The following HNRNPR variants were observed in gnomAD, a reference collection of about 807,000 sequenced individuals.
The protein encoded by HNRNPR is heterogeneous nuclear ribonucleoprotein R.
A neutral mutation model predicts 70.3 loss-of-function variants in HNRNPR; 4 were observed. That is an observed-to-expected ratio of 0.06 (90% CI 0.03 to 0.13). HNRNPR has a LOEUF of 0.13. Ranked by LOEUF, HNRNPR falls within the 10% of genes least tolerant of loss-of-function variation. The pLI is 1.00. For missense variants in HNRNPR, 423 were observed against 788.5 expected (o/e 0.54, Z 5.55); for synonymous variants, 241 against 267.6 (o/e 0.90, Z 0.97).
Position 23,321,572 on chromosome 1 carries a change from T to C in HNRNPR, c.767A>G (p.Asn256Ser). 6.2e-7 allele frequency: 1 copy of C among 1,613,770 alleles called. No individual in the cohort carries two copies. The highest frequency in any genetic ancestry group is 8.5e-7 in the Non-Finnish European group (1 of 1,179,666). ...TTCCAAAATGTTTTCTTTAGTCTTA[T>C]TCTTCGGAATGGATCCAACAAAAAG... is the stretch of plus-strand genomic sequence containing the variant. ...NRLFVGSIPKNKTKENILEEF... is the reference protein window; with the variant it reads ...NRLFVGSIPKSKTKENILEEF... The change falls in exon 7 of 11, where the codon AAT (asparagine) becomes AGT (serine). Residue 256 changes from asparagine to serine, a missense_variant. This residue lies in a region of HNRNPR where 118 missense variants were observed against 239.3 expected (regional missense o/e 0.49). Transcript: ENST00000302271.
Position 23,313,682 on chromosome 1 carries a change from T to C in HNRNPR, c.1038A>G (p.Arg346=). ...VMAKVKVLFV[R]NLATTVTEEI... ...CTTCTGTCACCGTAGTAGCCAAGTT[T>C]CTCACAAACAAAACTTTTACCTAGT... The change falls in exon 9 of 11, where the codon AGA becomes AGG. Residue 346 remains arginine (R), a synonymous_variant. Transcript: ENST00000302271. The C allele has an allele frequency of 6.3e-7, 1 of 1,598,704 alleles. No individual in the cohort carries two copies. The highest frequency in any genetic ancestry group is 8.5e-7 in the Non-Finnish European group (1 of 1,176,386).
Position 23,318,423 on chromosome 1 carries a change from T to G in HNRNPR, c.1017+60A>C, listed in dbSNP as rs994028191. 2.9e-6 allele frequency: 4 copies of G among 1,366,750 alleles called. No individual in the cohort carries two copies. The East Asian group carries it at 9.2e-5, about 31-fold the overall frequency. 84.7% of individuals were successfully genotyped at this position (1,366,750 alleles called of 1,614,324 possible). A position where few individuals can be genotyped will look rare whatever the true frequency, so the allele number is the denominator to read the frequency against. On this transcript the variant is annotated intron_variant, in intron 8 of 10. Transcript: ENST00000302271. The surrounding 1 kb of genome is among the most constrained non-coding windows in gnomAD (Gnocchi z 4.2). ...TCATAAAACTCAAAATATTTGAGCT[T>G]TATTCTGAGTACAAAATTTAAATGA...
intron 5 of HNRNPR, among the ~76,000 whole-genome samples, chr1:23,326,625 A>G (rs372970617): frequency 3.2e-4 from 49 of 152,188 alleles, no homozygotes; most frequent in African/African-American, 1.1e-3. Context: ...TCTCTACTAA[A>G]AATACAAAAA....
chr1:23,332,614 C>T (rs537144086), intron 5 of HNRNPR, among the ~76,000 whole-genome samples: 6 of 149,514 alleles, frequency 4.0e-5, no homozygotes, highest in Admixed American at 1.3e-4. Flanking sequence ...GCAGGAGAAT[C>T]GCTTGAACTT....
intron 1 of HNRNPR, 136 bp from the exon 2 acceptor site, chr1:23,341,153 G>A (rs1048776885): frequency 1.6e-6 from 1 of 615,812 alleles, no homozygotes; most frequent in Non-Finnish European, 2.7e-6. Context: ...TATTCCTCCT[G>A]TGATGTATCT....
chr1:23,324,250 T>C (rs1413408001), intron 5 of HNRNPR, among the ~76,000 whole-genome samples: 1 of 151,056 alleles, frequency 6.6e-6, no homozygotes, highest in Non-Finnish European at 1.5e-5. Flanking sequence ...AGTTATCTCC[T>C]CAACTCTAAA....
intron 1 of HNRNPR, among the ~76,000 whole-genome samples, chr1:23,342,799 ATC>A (rs1278826515): frequency 1.3e-5 from 2 of 152,232 alleles, no homozygotes; most frequent in African/African-American, 4.8e-5. Context: ...TTCAATGAAC[ATC>A]TGTTAAGGTG....
chr1:23,320,427 A>G (rs555738691), intron 7 of HNRNPR, among the ~76,000 whole-genome samples: 28 of 152,362 alleles, frequency 1.8e-4, no homozygotes, highest in Middle Eastern at 3.4e-3. Context: ...TGAGGTAGAC[A>G]TAGAAGTAGG....
Position 23,335,820 on chromosome 1 carries a change from T to C in HNRNPR, c.384+1934A>G, listed in dbSNP as rs1405338633. Among the ~76,000 whole-genome samples, 4 of 152,140 alleles carry C rather than the reference T, an allele frequency of 2.6e-5. No homozygotes were observed. In the South Asian group the frequency reaches 8.3e-4, roughly 31 times the overall value. ...TTCAACATACAATAACTATTTCTAA[T>C]TAAAAAGTCTATCACAGCCGGGCGC... On this transcript the variant is annotated intron_variant, in intron 4 of 10. Transcript: ENST00000302271.
rs1227968385 is a variant in HNRNPR at position 23,313,546 on chromosome 1, T to A, written c.1167+7A>T. 4 of 1,537,752 alleles carry A rather than the reference T, an allele frequency of 2.6e-6. No individual in the cohort carries two copies. Among genetic ancestry groups the A allele is most frequent in the Non-Finnish European group, 3.5e-6 (4 of 1,149,510 alleles). ...AATATCAAGAACCAAAATTTCAAAA[T>A]TCCTACCTTAACAGCTGCTCCTCTG... On this transcript the variant is annotated splice_region_variant and intron_variant, in intron 9 of 10. Coordinates refer to ENST00000302271, the MANE Select transcript of HNRNPR (RefSeq NM_005826.5).
At chr1:23,341,982 G>A (rs984884915) in intron 1 of HNRNPR, among the ~76,000 whole-genome samples, 3 of 152,142 alleles carry the variant, frequency 2.0e-5, no homozygotes, top group Non-Finnish European at 4.4e-5. Context: ...TCAAAAGACA[G>A]GGAATTAAAG....
At chr1:23,340,616 C>T (rs1001538132) in intron 2 of HNRNPR, among the ~76,000 whole-genome samples, 6 of 152,012 alleles carry the variant, frequency 3.9e-5, no homozygotes, top group African/African-American at 1.4e-4. Flanking sequence ...TAAGACAAAT[C>T]GATGTGCTGT....
At chr1:23,320,923 T>C (rs369278016) in intron 7 of HNRNPR, among the ~76,000 whole-genome samples, 16 of 152,160 alleles carry the variant, frequency 1.1e-4, no homozygotes, top group African/African-American at 2.9e-4. Flanking sequence ...TCCCAGCACT[T>C]TGGGAGGCCG....
At chr1:23,337,669 T>C (rs1570115662) in intron 4 of HNRNPR, 85 bp downstream of exon 4, 2 of 827,880 alleles carry the variant, frequency 2.4e-6, no homozygotes, top group Middle Eastern at 3.9e-4. Flanking sequence ...AAAAAAAAAG[T>C]GAAACTTTCT....
chr1:23,319,733 C>A (rs1467251846), intron 7 of HNRNPR, among the ~76,000 whole-genome samples: 1 of 152,156 alleles, frequency 6.6e-6, no homozygotes, highest in African/African-American at 2.4e-5. Context: ...AGAAGCCCTG[C>A]CTACTTCATT....
chr1:23,325,305 C>A (rs1645927777), intron 5 of HNRNPR, among the ~76,000 whole-genome samples: 1 of 152,088 alleles, frequency 6.6e-6, no homozygotes, highest in African/African-American at 2.4e-5. Context: ...GTAATAATAG[C>A]AATCCAATCC....
chr1:23,321,409 T>G, intron 7 of HNRNPR, 119 bp downstream of exon 7: 5 of 785,462 alleles, frequency 6.4e-6, no homozygotes, highest in Non-Finnish European at 9.9e-6. Context: ...AGGAAGCAAT[T>G]TAGATACTTC....
At chr1:23,327,688 TTAAA>T (rs66915389) in intron 5 of HNRNPR, among the ~76,000 whole-genome samples, 10,237 of 151,366 alleles carry the variant, frequency 0.068, 1,109 homozygotes, top group African/African-American at 0.23. Flanking sequence ...AGACTCTGTC[TTAAA>T]TAAATAAATA....
intron 6 of HNRNPR, 139 bp from the exon 7 acceptor site, chr1:23,321,802 T>C (rs1304677227): frequency 6.9e-6 from 5 of 723,600 alleles, no homozygotes; most frequent in Admixed American, 6.6e-5. Flanking sequence ...CTTTCCATAA[T>C]ATGAATGTAT....
Sources: gnomAD v4.1 joint callset for allele counts (sites outside exome capture counted in the v4.1 genomes callset) on GRCh38, gnomAD v4.1.1 for gene constraint, gnomAD v4.1.1 regional missense constraint, Gnocchi (gnomAD v3.1) non-coding constraint, MANE v1.5 for transcripts, NCBI Gene and HGNC (gene_info 2026-07-23, HGNC 2026-07-21) for gene names.